The following APBA1 variants were observed in gnomAD, a reference collection of about 807,000 sequenced individuals.
The protein encoded by APBA1 is amyloid-beta A4 precursor protein-binding family A member 1.
APBA1 carries 55 observed loss-of-function variants against 86.6 expected under a neutral mutation model. The ratio of observed to expected loss-of-function variants is 0.64; its 90% CI spans 0.51 to 0.80. The LOEUF (loss-of-function observed/expected upper bound fraction) is 0.80. APBA1 is among the 30% of genes least tolerant of loss of function. APBA1 has a pLI of 0.00. For synonymous variants in APBA1, 511 were observed against 493.9 expected (o/e 1.03, Z -0.46); for missense variants, 1,090 against 1,183.0 (o/e 0.92, Z 1.15).
intron 1 of APBA1, among the ~76,000 whole-genome samples, chr9:69,641,525 G>A (rs763107495): frequency 6.6e-6 from 1 of 152,172 alleles, no homozygotes; most frequent in African/African-American, 2.4e-5. Context: ...TCAAGACAGT[G>A]TGATATTAAC....
intron 1 of APBA1, among the ~76,000 whole-genome samples, chr9:69,550,785 AG>A (rs1483390247): frequency 6.6e-6 from 1 of 152,228 alleles, no homozygotes; most frequent in Non-Finnish European, 1.5e-5. Flanking sequence ...TCTGGGGAAA[AG>A]CATTCCATAC....
intron 2 of APBA1, among the ~76,000 whole-genome samples, chr9:69,485,059 T>C (rs1588312425): frequency 6.6e-6 from 1 of 151,802 alleles, no homozygotes; most frequent in Admixed American, 6.6e-5. Flanking sequence ...CAAGCAATCC[T>C]CCTGCCTCAG....
At position 69,431,159 on chromosome 9, in the gene APBA1, A is replaced by G. The variant is rs1478223833; in HGVS notation, c.*168T>C. On this transcript the variant is annotated 3_prime_UTR_variant, in exon 13 of 13. Coordinates refer to ENST00000265381, the MANE Select transcript of APBA1 (RefSeq NM_001163.4). ...TGGTATTGAAAAAAAAAAAAAAAAA[A>G]AAGCAAATCGGAGAGAGTAAAGAGG... 5 of 510,486 alleles carry G rather than the reference A, an allele frequency of 9.8e-6. No individual in the cohort carries two copies. The highest frequency in any genetic ancestry group is 1.4e-5 in the Non-Finnish European group (4 of 293,360). 31.6% of individuals were successfully genotyped at this position (510,486 alleles called of 1,614,324 possible). A position where few individuals can be genotyped will look rare whatever the true frequency, so the allele number is the denominator to read the frequency against.
intron 3 of APBA1, among the ~76,000 whole-genome samples, chr9:69,474,531 T>C (rs1329484939): frequency 6.6e-6 from 1 of 152,244 alleles, no homozygotes; most frequent in African/African-American, 2.4e-5. Context: ...TCAGGGCACC[T>C]GTCCTTCTTT....
At chr9:69,512,976 T>C (rs538369150) in intron 2 of APBA1, among the ~76,000 whole-genome samples, 2 of 152,348 alleles carry the variant, frequency 1.3e-5, no homozygotes, top group South Asian at 2.1e-4. Context: ...AATATCATTA[T>C]ATTCTCAGTA....
At chr9:69,547,335 C>A (rs1353145291) in intron 1 of APBA1, among the ~76,000 whole-genome samples, 1 of 152,190 alleles carries the variant, frequency 6.6e-6, no homozygotes, top group African/African-American at 2.4e-5. Flanking sequence ...GTGCCTGCCA[C>A]GTGTCTGTAT....
chr9:69,513,242 T>C (rs1836080914), intron 2 of APBA1, among the ~76,000 whole-genome samples: 1 of 152,218 alleles, frequency 6.6e-6, no homozygotes, highest in South Asian at 2.1e-4. Flanking sequence ...TGAAACAGCA[T>C]GCAAGAGAAT....
chr9:69,611,262 C>T (rs1469836889), intron 1 of APBA1, among the ~76,000 whole-genome samples: 3 of 128,554 alleles, frequency 2.3e-5, no homozygotes, highest in Non-Finnish European at 4.8e-5. Context: ...ATTGCTCTGT[C>T]TGACATGCAG....
chr9:69,597,423 G>C (rs1461448251), intron 1 of APBA1, among the ~76,000 whole-genome samples: 2 of 152,176 alleles, frequency 1.3e-5, no homozygotes, highest in Admixed American at 1.3e-4. Context: ...CCCTTTGTCA[G>C]ATGGGTAGGT....
intron 2 of APBA1, among the ~76,000 whole-genome samples, chr9:69,488,606 G>A (rs947725829): frequency 1.5e-4 from 23 of 152,100 alleles, no homozygotes; most frequent in African/African-American, 4.3e-4. Flanking sequence ...GAGCACCTCC[G>A]CTCCAGTGGC....
At chr9:69,663,866 G>C (rs957813557) in intron 1 of APBA1, among the ~76,000 whole-genome samples, 4 of 152,158 alleles carry the variant, frequency 2.6e-5, no homozygotes, top group Non-Finnish European at 5.9e-5. Context: ...TTTCAGAAAA[G>C]AGAAAGTTGC....
chr9:69,660,169 T>G (rs1823723250), intron 1 of APBA1, among the ~76,000 whole-genome samples: 1 of 152,266 alleles, frequency 6.6e-6, no homozygotes, highest in African/African-American at 2.4e-5. Context: ...ATAATTCCAC[T>G]TCCAAGTCTA....
chr9:69,542,826 T>C (rs1007445797), intron 1 of APBA1, among the ~76,000 whole-genome samples: 7 of 152,214 alleles, frequency 4.6e-5, no homozygotes, highest in Admixed American at 4.6e-4. Flanking sequence ...TTCTCCTGAA[T>C]TACAGAAGGA....
chr9:69,611,260 G>C (rs1352531666), intron 1 of APBA1, among the ~76,000 whole-genome samples: 1 of 128,772 alleles, frequency 7.8e-6, no homozygotes, highest in African/African-American at 2.9e-5. Flanking sequence ...AAATTGCTCT[G>C]TCTGACATGC....
chr9:69,597,933 G>C (rs1356922049), intron 1 of APBA1, among the ~76,000 whole-genome samples: 1 of 151,726 alleles, frequency 6.6e-6, no homozygotes, highest in African/African-American at 2.4e-5. Flanking sequence ...CCCATTACTG[G>C]GTATATACCC....
At chr9:69,522,599 C>G (rs1229289977) in intron 1 of APBA1, among the ~76,000 whole-genome samples, 2 of 152,176 alleles carry the variant, frequency 1.3e-5, no homozygotes, top group African/African-American at 4.8e-5. Context: ...ACAGCTCTGA[C>G]AGTTATGATA....
chr9:69,668,626 T>C (rs541391308), intron 1 of APBA1, among the ~76,000 whole-genome samples: 6 of 152,334 alleles, frequency 3.9e-5, no homozygotes, highest in East Asian at 1.9e-4. Context: ...CAGTCCTTAC[T>C]GAACAAAATC....
In APBA1 at chr9:69,516,027, C is replaced by T; in HGVS notation, c.1184G>A (p.Arg395Lys). The T allele has an allele frequency of 6.3e-7, 1 of 1,580,814 alleles. No homozygotes were observed. Among genetic ancestry groups the T allele is most frequent in the Non-Finnish European group, 8.6e-7 (1 of 1,160,252 alleles). Residue 395 changes from arginine (R) to lysine (K), a missense_variant, in exon 2 of 13, where the codon AGG (arginine) becomes AAG (lysine). This residue lies in a region of APBA1 where 678 missense variants were observed against 647.1 expected (regional missense o/e 1.05). Coordinates refer to ENST00000265381, the MANE Select transcript of APBA1 (RefSeq NM_001163.4). The surrounding 1 kb of genome is among the most constrained non-coding windows in gnomAD (Gnocchi z 7.3). ...ISPTRDCDDQ[R>K]PMDGDSPSPG... ...CCTACTTACATCTCCGTCCATCGGCCTCTGGTCGTCACAGTCCCTGGTGGG... is the reference window on the plus strand; with the variant it reads ...CCTACTTACATCTCCGTCCATCGGCTTCTGGTCGTCACAGTCCCTGGTGGG...
intron 1 of APBA1, among the ~76,000 whole-genome samples, chr9:69,605,394 C>T (rs1012746609): frequency 6.6e-6 from 1 of 152,154 alleles, no homozygotes; most frequent in Admixed American, 6.5e-5. Context: ...ACTGATAATA[C>T]CAACAAACCT....
Sources: allele counts gnomAD v4.1 joint callset (sites outside exome capture counted in the v4.1 genomes callset), GRCh38; gene constraint gnomAD v4.1.1; regional missense constraint gnomAD v4.1.1; non-coding constraint Gnocchi (gnomAD v3.1); transcripts MANE v1.5; gene names NCBI Gene and HGNC (gene_info 2026-07-23, HGNC 2026-07-21).